The following XKR9 variants were observed in gnomAD, a reference collection of about 807,000 sequenced individuals.
XKR9 encodes XK-related protein 9.
A neutral mutation model predicts 32.0 loss-of-function variants in XKR9; 32 were observed. That is an observed-to-expected ratio of 1.00 (90% CI 0.76 to 1.34). XKR9 has a LOEUF of 1.34. Among genes scored for constraint, XKR9 ranks in the 40% most tolerant of loss-of-function variants. The pLI is 0.00. For missense variants in XKR9, 546 were observed against 429.7 expected (o/e 1.27, Z -2.39); for synonymous variants, 168 against 143.4 (o/e 1.17, Z -1.22).
chr8:70,810,076 A>C, the XKR9 span, among the ~76,000 whole-genome samples: 1 of 152,384 alleles, frequency 6.6e-6, no homozygotes, highest in South Asian at 2.1e-4. Flanking sequence ...AGCCCATCAG[A>C]CTAACAGCTG....
rs181258028 is a variant in XKR9, at chr8:70,718,119, A to G, written c.493+10966A>G. On this transcript the variant is annotated intron_variant, in intron 4 of 4. Transcript: ENST00000408926. ...TCTCTAGGAAGTTCCAAACTTTCCC[A>G]CATCTTCCAGTTTTCTGAGCCCTTC... is the stretch of plus-strand genomic sequence containing the variant. Among the ~76,000 whole-genome samples, 383 of 152,252 alleles carry G rather than the reference A, an allele frequency of 2.5e-3. 7 individuals carry two copies. Among genetic ancestry groups the G allele is most frequent in the African/African-American group, 8.7e-3 (363 of 41,570 alleles).
chr8:70,722,702 G>A (rs1806322819), intron 4 of XKR9, among the ~76,000 whole-genome samples: 2 of 152,088 alleles, frequency 1.3e-5, no homozygotes, highest in Admixed American at 1.3e-4. Context: ...TAGATGACCT[G>A]GCCTTTCTCT....
chr8:70,826,757 C>T, the XKR9 span, among the ~76,000 whole-genome samples: 2 of 152,032 alleles, frequency 1.3e-5, no homozygotes, highest in Non-Finnish European at 1.5e-5. Flanking sequence ...CTGTTTAATA[C>T]GTTGATATAG....
At chr8:70,709,238 A>C (rs561231293) in intron 4 of XKR9, among the ~76,000 whole-genome samples, 8 of 152,328 alleles carry the variant, frequency 5.3e-5, no homozygotes, top group African/African-American at 1.9e-4. Context: ...GATAAAATTC[A>C]ACATCCCTTT....
At chr8:70,783,901 G>T (rs1586897518) in intron 2 of XKR9, among the ~76,000 whole-genome samples, 1 of 152,092 alleles carries the variant, frequency 6.6e-6, no homozygotes, top group South Asian at 2.1e-4. Flanking sequence ...TGAGATAAGG[G>T]TTCAATTTAG....
the XKR9 span, among the ~76,000 whole-genome samples, chr8:70,811,936 T>C: frequency 1.3e-5 from 2 of 152,116 alleles, no homozygotes; most frequent in Admixed American, 6.5e-5. Flanking sequence ...CCCTAACTCA[T>C]TTTATGAGGC....
chr8:70,721,108 C>G (rs919765601), intron 4 of XKR9, among the ~76,000 whole-genome samples: 1 of 152,186 alleles, frequency 6.6e-6, no homozygotes, highest in African/African-American at 2.4e-5. Flanking sequence ...ATAGTATTCT[C>G]TGAGGGAAGT....
intron 4 of XKR9, among the ~76,000 whole-genome samples, chr8:70,731,436 GC>G (rs1806662162): frequency 6.6e-6 from 1 of 152,100 alleles, no homozygotes; most frequent in South Asian, 2.1e-4. Context: ...TGGGGTTCAA[GC>G]CACTTTACAA....
intron 3 of XKR9, among the ~76,000 whole-genome samples, chr8:70,687,874 C>T (rs1251492680): frequency 6.6e-6 from 1 of 152,030 alleles, no homozygotes; most frequent in Non-Finnish European, 1.5e-5. Flanking sequence ...AACATATGGT[C>T]CATCTTTATG....
chr8:71,047,299 A>G, the XKR9 span, among the ~76,000 whole-genome samples: 2 of 152,210 alleles, frequency 1.3e-5, no homozygotes, highest in Non-Finnish European at 1.5e-5. Flanking sequence ...TTTCTAATTA[A>G]ATTATAGACT....
chr8:70,713,408 A>G (rs1805985059), intron 4 of XKR9, among the ~76,000 whole-genome samples: 1 of 152,140 alleles, frequency 6.6e-6, no homozygotes, highest in Non-Finnish European at 1.5e-5. Flanking sequence ...AGAACTGATG[A>G]GAGACACCTA....
At chr8:70,730,149 C>A (rs896545706) in intron 4 of XKR9, among the ~76,000 whole-genome samples, 2 of 152,172 alleles carry the variant, frequency 1.3e-5, no homozygotes, top group African/African-American at 4.8e-5. Flanking sequence ...GATACCTTGT[C>A]CTTCCTCCCC....
the XKR9 span, among the ~76,000 whole-genome samples, chr8:70,954,643 C>G: frequency 6.6e-6 from 1 of 152,210 alleles, no homozygotes; most frequent in South Asian, 2.1e-4. Flanking sequence ...GCCAACTTCT[C>G]TTTATCCTCA....
chr8:70,669,499 G>A lies in XKR9; in HGVS notation c.-400G>A. Reference sequence around the variant, plus strand: ...GGCGAGTGGATCCAAGTGGGCGAGAGACATTTTAATCTGGAAGAGTCTTGT... The same window carrying A: ...GGCGAGTGGATCCAAGTGGGCGAGAAACATTTTAATCTGGAAGAGTCTTGT... On this transcript the variant is annotated 5_prime_UTR_variant, in exon 1 of 5. Transcript: ENST00000408926. 1 of 236,504 alleles carries A rather than the reference G, an allele frequency of 4.2e-6. No homozygotes were observed. Among genetic ancestry groups the A allele is most frequent in the South Asian group, 5.4e-5 (1 of 18,586 alleles). 14.7% of individuals were successfully genotyped at this position (236,504 alleles called of 1,614,324 possible).
At chr8:70,758,270 C>A (rs1807257784) in intron 2 of XKR9, among the ~76,000 whole-genome samples, 1 of 150,756 alleles carries the variant, frequency 6.6e-6, no homozygotes, top group Non-Finnish European at 1.5e-5. Flanking sequence ...ACGGCAGCAC[C>A]AGTAGGTCTC....
Position 70,757,537 on chromosome 8 carries a change from ACTT to A in XKR9, n.353-31798_353-31796del, listed in dbSNP as rs919149368. On this transcript the variant is annotated intron_variant and non_coding_transcript_variant, in intron 2 of 3. Coordinates refer to the XKR9 transcript ENST00000520273. ...TAATATTGTCAATATATCTTTCTTT[ACTT>A]CTTTCATCATGTATGTATGTATGTA... Among the ~76,000 whole-genome samples, 87 of 148,912 alleles carry A rather than the reference ACTT, an allele frequency of 5.8e-4. 1 individual carries two copies. The highest frequency in any genetic ancestry group is 2.1e-3 in the African/African-American group (85 of 40,216).
At position 70,785,719 on chromosome 8, in the gene XKR9, C is replaced by T. The variant is rs1807675433; in HGVS notation, n.353-3620C>T. ...GGTGTGTTGTATTTACTTTTTTTTG[C>T]TCTCTCTCTCTCTCTCTCTCTATAT... On this transcript the variant is annotated intron_variant and non_coding_transcript_variant, in intron 2 of 3. Transcript: ENST00000520273. Among the ~76,000 whole-genome samples the T allele has an allele frequency of 1.2e-4, 8 of 67,854 alleles. No individual in the cohort carries two copies. In the South Asian group the frequency reaches 3.8e-3, roughly 32 times the overall value. The allele number at this position is 67,854 out of a possible 152,430, so 44.5% of individuals were successfully genotyped here. A position where few individuals can be genotyped will look rare whatever the true frequency, so the allele number is the denominator to read the frequency against.
chr8:70,869,687 A>G, the XKR9 span, among the ~76,000 whole-genome samples: 1 of 152,202 alleles, frequency 6.6e-6, no homozygotes, highest in Non-Finnish European at 1.5e-5. Context: ...CATGCTAAAT[A>G]TACGATTTGA....
the XKR9 span, among the ~76,000 whole-genome samples, chr8:70,831,440 CT>C: frequency 1.3e-5 from 2 of 151,972 alleles, no homozygotes; most frequent in Non-Finnish European, 1.5e-5. Flanking sequence ...ATTTAAGTTT[CT>C]CTCGTGATTA....
Sources: allele counts gnomAD v4.1 joint callset (sites outside exome capture counted in the v4.1 genomes callset), GRCh38; gene constraint gnomAD v4.1.1; transcripts MANE v1.5; gene names NCBI Gene and HGNC (gene_info 2026-07-23, HGNC 2026-07-21).